The following VPS53 variants were observed in gnomAD, a reference collection of about 807,000 sequenced individuals.
VPS53 encodes VPS53 subunit of GARP complex, also known as vacuolar protein sorting-associated protein 53 homolog.
Under a neutral mutation model 107.0 loss-of-function variants are expected in VPS53, and 70 were observed. The observed-to-expected ratio is 0.65, with a 90% confidence interval of 0.54 to 0.80. VPS53 has a LOEUF of 0.80. VPS53 is among the 30% of genes least tolerant of loss of function. VPS53 has a pLI of 0.00. For missense variants in VPS53, 917 were observed against 1,049.4 expected (o/e 0.87, Z 1.74); for synonymous variants, 409 against 393.3 (o/e 1.04, Z -0.47).
intron 11 of VPS53, among the ~76,000 whole-genome samples, chr17:614,916 G>C (rs906531431): frequency 7.2e-5 from 11 of 152,124 alleles, no homozygotes; most frequent in Admixed American, 3.3e-4. Flanking sequence ...TGCATAAAAG[G>C]GGAACATTTT....
At chr17:526,757 G>C (rs554364531) in intron 19 of VPS53, among the ~76,000 whole-genome samples, 1 of 152,364 alleles carries the variant, frequency 6.6e-6, no homozygotes, top group East Asian at 1.9e-4. Flanking sequence ...CCATGCCTGT[G>C]AAGGCTGATC....
At chr17:573,465 T>C (rs1021376815) in intron 13 of VPS53, among the ~76,000 whole-genome samples, 1 of 152,128 alleles carries the variant, frequency 6.6e-6, no homozygotes, top group African/African-American at 2.4e-5. Flanking sequence ...AACTTTCCCT[T>C]GGCAGGTGGG....
Position 623,692 on chromosome 17 carries a change from A to G in VPS53, c.975-18T>C. The G allele has an allele frequency of 1.2e-6, 2 of 1,602,514 alleles. No individual in the cohort carries two copies. Among genetic ancestry groups the G allele is most frequent in the South Asian group, 2.2e-5 (2 of 90,328 alleles). On this transcript the variant is annotated intron_variant, in intron 10 of 21. Coordinates refer to ENST00000437048, the MANE Select transcript of VPS53 (RefSeq NM_001128159.3). ...GTTCTGCCCTTCAAAACAAAGAGAT[A>G]AGAATACTATCAAACAAGCTGATCA...
chr17:626,067 G>A (rs553569677), intron 10 of VPS53, among the ~76,000 whole-genome samples: 103 of 152,142 alleles, frequency 6.8e-4, no homozygotes, highest in Non-Finnish European at 1.2e-3. Flanking sequence ...AAAATTAGCC[G>A]GTGTGGTGGC....
intron 4 of VPS53, among the ~76,000 whole-genome samples, chr17:670,736 C>T (rs561465772): frequency 1.3e-5 from 2 of 152,114 alleles, no homozygotes; most frequent in African/African-American, 4.8e-5. Context: ...AACCGAGATC[C>T]CCTTTGTGGC....
intron 4 of VPS53, among the ~76,000 whole-genome samples, chr17:668,033 A>C (rs1331169383): frequency 1.3e-5 from 2 of 152,128 alleles, no homozygotes; most frequent in Admixed American, 6.5e-5. Context: ...TCTTCCAAAA[A>C]ACTGCTCGCT....
chr17:554,257 G>A (rs767594918), intron 15 of VPS53, among the ~76,000 whole-genome samples: 11 of 152,172 alleles, frequency 7.2e-5, no homozygotes, highest in Non-Finnish European at 8.8e-5. Context: ...ATCATCAGCC[G>A]ACAGCCGGGG....
In VPS53 at chr17:601,890, G is replaced by A. The variant is rs1968344562; in HGVS notation, c.1123C>T (p.Leu375Phe). 1.3e-6 allele frequency: 2 copies of A among 1,583,182 alleles called. No homozygotes were observed. The highest frequency in any genetic ancestry group is 1.7e-6 in the Non-Finnish European group (2 of 1,164,670). ...CTLTDGTLKK[L>F]ESPPPSTNPF... ...TTGGTAGATGGGGGTGGAGACTCAA[G>A]CTTTTTCTGTTAGGTAGATATGAGA... is the stretch of plus-strand genomic sequence containing the variant. Residue 375 changes from leucine (L) to phenylalanine (F), a missense_variant, in exon 12 of 22, where the codon CTT (leucine) becomes TTT (phenylalanine). Leu to Phe is a conservative substitution (Grantham distance 22). Transcript: ENST00000437048.
At chr17:634,845 G>A (rs534889117) in intron 7 of VPS53, among the ~76,000 whole-genome samples, 132 of 150,416 alleles carry the variant, frequency 8.8e-4, no homozygotes, top group African/African-American at 3.0e-3. Context: ...GAATAGTGCC[G>A]CAATAAACAT....
chr17:681,152 T>C (rs2143788954), intron 4 of VPS53, among the ~76,000 whole-genome samples: 2 of 152,282 alleles, frequency 1.3e-5, no homozygotes, highest in Admixed American at 1.3e-4. Flanking sequence ...TGTTTTCTGT[T>C]TTGAGAGGGA....
At chr17:658,121 T>C (rs1971275512) in intron 5 of VPS53, among the ~76,000 whole-genome samples, 1 of 134,774 alleles carries the variant, frequency 7.4e-6, no homozygotes, top group African/African-American at 2.9e-5. Context: ...GATAGATACA[T>C]CCCACTAAAG....
chr17:540,855 G>T (rs1910580388), intron 17 of VPS53, among the ~76,000 whole-genome samples: 1 of 152,146 alleles, frequency 6.6e-6, no homozygotes. Flanking sequence ...TGGGCAGGAA[G>T]TATGTGCTCT....
At chr17:590,979 T>C (rs1967614711) in intron 12 of VPS53, among the ~76,000 whole-genome samples, 2 of 152,160 alleles carry the variant, frequency 1.3e-5, no homozygotes, top group Middle Eastern at 6.8e-3. Flanking sequence ...GTACCTCTGG[T>C]AGAATTTGGC....
intron 13 of VPS53, among the ~76,000 whole-genome samples, chr17:567,989 T>C (rs1313563978): frequency 1.3e-5 from 2 of 151,996 alleles, no homozygotes; most frequent in African/African-American, 4.8e-5. Flanking sequence ...GCCCTAGGAA[T>C]GAAGACAGTT....
At chr17:675,973 C>T (rs1972142960) in intron 4 of VPS53, among the ~76,000 whole-genome samples, 1 of 151,890 alleles carries the variant, frequency 6.6e-6, no homozygotes, top group Non-Finnish European at 1.5e-5. Context: ...AATTAGAAAC[C>T]CCGGCATGGG....
Position 518,961 on chromosome 17 carries a change from G to A in VPS53, c.*167C>T. 3 of 715,382 alleles carry A rather than the reference G, an allele frequency of 4.2e-6. No homozygotes were observed. Among genetic ancestry groups the A allele is most frequent in the Non-Finnish European group, 6.4e-6 (3 of 465,644 alleles). 44.3% of individuals were successfully genotyped at this position (715,382 alleles called of 1,614,324 possible). A position where few individuals can be genotyped will look rare whatever the true frequency, so the allele number is the denominator to read the frequency against. On this transcript the variant is annotated 3_prime_UTR_variant, in exon 22 of 22. Coordinates refer to ENST00000437048, the MANE Select transcript of VPS53 (RefSeq NM_001128159.3). ...CCCTTACTCAGCGTCTCCGATTAGG[G>A]CAGGAAGTAAGACAGGGCATGGGAG...
rs1385041073 is a variant in VPS53 at position 593,551 on chromosome 17, T to C, written c.1219-7187A>G. Among the ~76,000 whole-genome samples, 3 of 152,074 alleles carry C rather than the reference T, an allele frequency of 2.0e-5. No homozygotes were observed. The South Asian group carries it at 6.2e-4, about 32-fold the overall frequency. ...GACATTTATGCAGCCAAAAAACACA[T>C]GAAAAAATGCTCACCATCACTGGCC... On this transcript the variant is annotated intron_variant, in intron 12 of 21. Transcript: ENST00000437048.
At position 552,685 on chromosome 17, in the gene VPS53, T is replaced by G. The variant is rs73292438; in HGVS notation, c.1787+695A>C. 1,440 of 164,726 alleles carry G rather than the reference T, an allele frequency of 8.7e-3. 22 individuals are homozygous for G. Among genetic ancestry groups the G allele is most frequent in the African/African-American group, 0.028 (1,183 of 41,986 alleles). 10.2% of individuals were successfully genotyped at this position (164,726 alleles called of 1,614,324 possible). On this transcript the variant is annotated intron_variant, in intron 16 of 21. Coordinates refer to ENST00000437048, the MANE Select transcript of VPS53 (RefSeq NM_001128159.3). ...CAGCAATGGCCAAGGGAGAATGTCT[T>G]CTCTGTGGTTATTCTTCACAGTGAG...
At chr17:702,366 AAAAAT>A (rs1973232886) in intron 2 of VPS53, among the ~76,000 whole-genome samples, 1 of 151,908 alleles carries the variant, frequency 6.6e-6, no homozygotes, top group Non-Finnish European at 1.5e-5. Flanking sequence ...AAAAATAAAT[AAAAAT>A]AAAATAAAAA....
Sources: allele counts gnomAD v4.1 joint callset (sites outside exome capture counted in the v4.1 genomes callset), GRCh38; gene constraint gnomAD v4.1.1; transcripts MANE v1.5; gene names NCBI Gene and HGNC (gene_info 2026-07-23, HGNC 2026-07-21).